WDPCP: variants seen among roughly 807,000 people sequenced by gnomAD.
The protein encoded by WDPCP is WD repeat containing planar cell polarity effector.
WDPCP carries 71 observed loss-of-function variants against 93.1 expected under a neutral mutation model. The ratio of observed to expected loss-of-function variants is 0.76; its 90% CI spans 0.63 to 0.93. The LOEUF (loss-of-function observed/expected upper bound fraction) is 0.93. WDPCP is among the 40% of genes least tolerant of loss of function. The pLI is 0.00. For synonymous variants in WDPCP, 315 were observed against 315.0 expected, an observed-to-expected ratio of 1.00 and a Z score of 0.00; for missense variants, 844 against 887.4, an observed-to-expected ratio of 0.95 and a Z score of 0.62.
chr2:63,735,573 A>G (rs1465021749), intron 2 of WDPCP, among the ~76,000 whole-genome samples: 1 of 152,176 alleles, frequency 6.6e-6, no homozygotes, highest in Non-Finnish European at 1.5e-5. Flanking sequence ...TGAGCAGGGA[A>G]GTAATAGGGA....
chr2:63,437,090 C>G (rs891677952), intron 8 of WDPCP, among the ~76,000 whole-genome samples: 2 of 151,944 alleles, frequency 1.3e-5, no homozygotes, highest in Admixed American at 1.3e-4. Context: ...GATATGGGGT[C>G]TTAGGGGAAA....
intron 13 of WDPCP, among the ~76,000 whole-genome samples, chr2:63,262,034 G>A (rs922235774): frequency 2.0e-5 from 3 of 152,078 alleles, no homozygotes; most frequent in Admixed American, 2.0e-4. Flanking sequence ...CTTATATTCA[G>A]AGAAGAATTT....
At chr2:63,530,049 C>T (rs1703705736) in intron 1 of WDPCP, among the ~76,000 whole-genome samples, 1 of 151,914 alleles carries the variant, frequency 6.6e-6, no homozygotes, top group Non-Finnish European at 1.5e-5. Flanking sequence ...GGTGATAGCC[C>T]CTTTATCATT....
At chr2:63,414,272 T>C (rs1461806280) in intron 9 of WDPCP, among the ~76,000 whole-genome samples, 1 of 152,078 alleles carries the variant, frequency 6.6e-6, no homozygotes, top group Non-Finnish European at 1.5e-5. Flanking sequence ...AGTGTGGAGA[T>C]TCCTTAAAGA....
chr2:63,388,984 T>C (rs370648699), intron 10 of WDPCP, among the ~76,000 whole-genome samples: 9 of 152,146 alleles, frequency 5.9e-5, no homozygotes, highest in African/African-American at 1.9e-4. Flanking sequence ...TTCAGGATAT[T>C]AGCAAGGAGA....
chr2:63,181,877 C>G (rs867452897), intron 14 of WDPCP, among the ~76,000 whole-genome samples: 1 of 151,420 alleles, frequency 6.6e-6, no homozygotes, highest in Non-Finnish European at 1.5e-5. Context: ...TGTAGTTTTC[C>G]TTGTAAAGAT....
intron 2 of WDPCP, among the ~76,000 whole-genome samples, chr2:63,739,341 CACAAA>C (rs1157935476): frequency 6.6e-6 from 1 of 152,024 alleles, no homozygotes; most frequent in Non-Finnish European, 1.5e-5. Context: ...TCCATGTTTC[CACAAA>C]ACACATGATC....
intron 13 of WDPCP, among the ~76,000 whole-genome samples, chr2:63,301,164 C>T (rs570607123): frequency 9.8e-5 from 15 of 152,344 alleles, no homozygotes; most frequent in African/African-American, 3.4e-4. Flanking sequence ...CAATTATCTT[C>T]CCTTTTTGAG....
intron 1 of WDPCP, among the ~76,000 whole-genome samples, chr2:63,580,447 A>G (rs1708421104): frequency 6.6e-6 from 1 of 152,214 alleles, no homozygotes; most frequent in Non-Finnish European, 1.5e-5. Flanking sequence ...ATTAAAATCA[A>G]CATCATAAAT....
chr2:63,243,079 G>C (rs1395214220), intron 14 of WDPCP, among the ~76,000 whole-genome samples: 3 of 152,168 alleles, frequency 2.0e-5, no homozygotes, highest in African/African-American at 7.2e-5. Context: ...CAGTAGCTTA[G>C]ACTATTTCAC....
chr2:63,255,775 G>A (rs555920107), intron 14 of WDPCP, among the ~76,000 whole-genome samples: 48 of 152,122 alleles, frequency 3.2e-4, no homozygotes, highest in African/African-American at 1.1e-3. Flanking sequence ...ATTTCCAGAC[G>A]ACATGATGTG....
chr2:63,155,424 C>A (rs778759368), intron 15 of WDPCP, among the ~76,000 whole-genome samples: 2 of 152,076 alleles, frequency 1.3e-5, no homozygotes, highest in Non-Finnish European at 2.9e-5. Flanking sequence ...GTACTTTTGT[C>A]AAAAATCAGC....
intron 17 of WDPCP, among the ~76,000 whole-genome samples, chr2:63,138,574 TC>T: frequency 6.6e-6 from 1 of 151,376 alleles, no homozygotes; most frequent in East Asian, 2.0e-4. Flanking sequence ...TGCCTCAGCC[TC>T]CCCCATAGCT....
At chr2:63,253,592 A>G (rs1680910623) in intron 14 of WDPCP, among the ~76,000 whole-genome samples, 1 of 152,182 alleles carries the variant, frequency 6.6e-6, no homozygotes, top group African/African-American at 2.4e-5. Context: ...GACATGAACA[A>G]TCATTACTCA....
At chr2:63,540,378 T>C (rs1429014240) in intron 1 of WDPCP, among the ~76,000 whole-genome samples, 1 of 152,180 alleles carries the variant, frequency 6.6e-6, no homozygotes, top group Admixed American at 6.5e-5. Flanking sequence ...TAGATAATTA[T>C]GTACACACTG....
At chr2:63,210,481 C>A (rs1327718776) in intron 14 of WDPCP, among the ~76,000 whole-genome samples, 1 of 152,012 alleles carries the variant, frequency 6.6e-6, no homozygotes, top group African/African-American at 2.4e-5. Flanking sequence ...GGGGAAGTTC[C>A]AAGATGGCGG....
chr2:63,796,114 T>C (rs1222741206), intron 2 of WDPCP, among the ~76,000 whole-genome samples: 1 of 152,226 alleles, frequency 6.6e-6, no homozygotes, highest in Non-Finnish European at 1.5e-5. Flanking sequence ...AAGAGAGTTA[T>C]AGCTTCTCTC....
Position 63,727,425 on chromosome 2 carries a change from A to G in WDPCP, n.309-76587T>C, listed in dbSNP as rs1311175884. On this transcript the variant is annotated intron_variant and non_coding_transcript_variant, in intron 2 of 4. Transcript: ENST00000467687. ...TTGATCGTATTGGATTAGCATTTTC[A>G]TGTCCTCCTGGATTCAGTTTGCTGG... 4.6e-5 allele frequency among the ~76,000 whole-genome samples: 7 copies of G among 152,188 alleles called. 1 individual carries two copies. Among genetic ancestry groups the G allele is most frequent in the Admixed American group, 4.6e-4 (7 of 15,280 alleles).
intron 1 of WDPCP, among the ~76,000 whole-genome samples, chr2:63,508,250 T>C (rs1339109749): frequency 3.3e-5 from 5 of 152,220 alleles, no homozygotes; most frequent in African/African-American, 1.2e-4. Context: ...GCAGAAATCC[T>C]ACAAGCCAGA....
Sources: allele counts gnomAD v4.1 joint callset (sites outside exome capture counted in the v4.1 genomes callset), GRCh38; gene constraint gnomAD v4.1.1; transcripts MANE v1.5; gene names NCBI Gene and HGNC (gene_info 2026-07-23, HGNC 2026-07-21).